PARD3: variants seen among roughly 807,000 people sequenced by gnomAD.
PARD3 encodes partitioning defective 3 homolog.
In PARD3, 75 loss-of-function variants were observed where a neutral mutation model predicts 155.4. That is an observed-to-expected ratio of 0.48 (90% CI 0.40 to 0.58). PARD3 has a LOEUF of 0.58. Ranked by LOEUF, PARD3 falls within the 20% of genes least tolerant of loss-of-function variation. The pLI, the probability that PARD3 is intolerant of heterozygous loss-of-function variation, is 0.00. For synonymous variants in PARD3, 576 were observed against 610.5 expected, an observed-to-expected ratio of 0.94 and a Z score of 0.83; for missense variants, 1,642 against 1,721.7, an observed-to-expected ratio of 0.95 and a Z score of 0.82.
chr10:34,750,775 G>GCCC (rs1296864728), intron 1 of PARD3, among the ~76,000 whole-genome samples: 1 of 148,664 alleles, frequency 6.7e-6, no homozygotes, highest in Non-Finnish European at 1.5e-5. Flanking sequence ...TGCAACCTCC[G>GCCC]CCCCCCGGGT....
At chr10:34,502,735 A>G (rs1034858245) in intron 3 of PARD3, among the ~76,000 whole-genome samples, 11 of 152,190 alleles carry the variant, frequency 7.2e-5, no homozygotes, top group African/African-American at 2.7e-4. Flanking sequence ...AGTATGGGCA[A>G]CATAGCAGGA....
At chr10:34,322,207 G>T (rs1170120816) in intron 19 of PARD3, among the ~76,000 whole-genome samples, 1 of 152,208 alleles carries the variant, frequency 6.6e-6, no homozygotes, top group East Asian at 1.9e-4. Flanking sequence ...TTAGGGAGAG[G>T]GCTCATTCCC....
chr10:34,466,003 C>T (rs2077985688), intron 4 of PARD3, among the ~76,000 whole-genome samples: 1 of 152,122 alleles, frequency 6.6e-6, no homozygotes, highest in Non-Finnish European at 1.5e-5. Flanking sequence ...TACTCTTCCT[C>T]AGGATAAAAT....
intron 2 of PARD3, among the ~76,000 whole-genome samples, chr10:34,633,638 G>A (rs1423722912): frequency 2.0e-5 from 3 of 152,200 alleles, no homozygotes; most frequent in South Asian, 2.1e-4. Flanking sequence ...CAACAAACAC[G>A]GGTGTGGAGA....
intron 2 of PARD3, among the ~76,000 whole-genome samples, chr10:34,649,569 T>C (rs1173379388): frequency 6.6e-6 from 1 of 152,250 alleles, no homozygotes; most frequent in African/African-American, 2.4e-5. Context: ...GCACTCACCA[T>C]GAATGGAGCT....
chr10:34,169,719 A>C (rs1054710248), intron 22 of PARD3, among the ~76,000 whole-genome samples: 1 of 152,192 alleles, frequency 6.6e-6, no homozygotes, highest in Admixed American at 6.5e-5. Context: ...CAACAACCTA[A>C]AGAATGGAGT....
At chr10:34,667,186 T>A (rs1353499057) in intron 2 of PARD3, among the ~76,000 whole-genome samples, 2 of 152,088 alleles carry the variant, frequency 1.3e-5, no homozygotes, top group African/African-American at 4.8e-5. Context: ...TATTGATACA[T>A]AAGTTGAGAA....
At chr10:34,801,282 G>A (rs1437186934) in intron 1 of PARD3, among the ~76,000 whole-genome samples, 2 of 152,210 alleles carry the variant, frequency 1.3e-5, no homozygotes, top group African/African-American at 4.8e-5. Context: ...GAAGGGATCA[G>A]AGTCAAAATA....
At chr10:34,194,586 T>C (rs1425077042) in intron 22 of PARD3, among the ~76,000 whole-genome samples, 1 of 150,826 alleles carries the variant, frequency 6.6e-6, no homozygotes, top group Non-Finnish European at 1.5e-5. Context: ...AAGACATCAC[T>C]ATGAATACCC....
chr10:34,295,469 CA>C (rs1956864070), intron 20 of PARD3, among the ~76,000 whole-genome samples: 1 of 152,182 alleles, frequency 6.6e-6, no homozygotes, highest in African/African-American at 2.4e-5. Flanking sequence ...TGTGTGGTCT[CA>C]GTCCCTAGAC....
chr10:34,805,352 G>A (rs568669170), intron 1 of PARD3, among the ~76,000 whole-genome samples: 3 of 152,074 alleles, frequency 2.0e-5, no homozygotes, highest in Non-Finnish European at 2.9e-5. Flanking sequence ...GTGAGACTCC[G>A]TCTCAAATAC....
At chr10:34,194,998 G>T (rs2133290816) in intron 22 of PARD3, among the ~76,000 whole-genome samples, 1 of 152,256 alleles carries the variant, frequency 6.6e-6, no homozygotes, top group South Asian at 2.1e-4. Flanking sequence ...TCCTGATTTT[G>T]TACCTTCCTA....
rs913389517 is a variant in PARD3, at chr10:34,759,602, C to A, written c.120+55274G>T. On this transcript the variant is annotated intron_variant, in intron 1 of 24. Transcript: ENST00000374788. ...TAAAAGAGAGCAAAGAAAAAGTATT[C>A]ATATAAAACAGGAAGTGAGAGGGAC... is the stretch of plus-strand genomic sequence containing the variant. 2.6e-5 allele frequency among the ~76,000 whole-genome samples: 4 copies of A among 152,276 alleles called. No individual in the cohort carries two copies. In the East Asian group the frequency reaches 7.7e-4, roughly 29 times the overall value.
intron 2 of PARD3, among the ~76,000 whole-genome samples, chr10:34,651,812 C>A (rs1333953835): frequency 6.6e-6 from 1 of 152,156 alleles, no homozygotes; most frequent in African/African-American, 2.4e-5. Context: ...TGGATTTCGA[C>A]ACAATTATTT....
At position 34,809,825 on chromosome 10, in the gene PARD3, T is replaced by A. The variant is rs149539579; in HGVS notation, c.120+5051A>T. The stretch of plus-strand genomic sequence containing the variant: ...GGGAAGGCAGAAAATGTTAAAAAAA[T>A]AAATAAATAAATAAAGCTGCTTTCA... On this transcript the variant is annotated intron_variant, in intron 1 of 24. Coordinates refer to ENST00000374788, the MANE Select transcript of PARD3 (RefSeq NM_001184785.2). 8.8e-4 allele frequency among the ~76,000 whole-genome samples: 132 copies of A among 149,540 alleles called. 1 individual carries two copies. The East Asian group carries it at 0.018, about 21-fold the overall frequency.
chr10:34,308,099 G>C (rs955884174), intron 20 of PARD3, among the ~76,000 whole-genome samples: 1 of 150,570 alleles, frequency 6.6e-6, no homozygotes, highest in Non-Finnish European at 1.5e-5. Flanking sequence ...GGCTCTAGTG[G>C]ACCCGGTAGG....
intron 4 of PARD3, among the ~76,000 whole-genome samples, chr10:34,464,133 AGACC>A (rs2077860208): frequency 6.7e-6 from 1 of 148,226 alleles, no homozygotes; most frequent in African/African-American, 2.5e-5. Flanking sequence ...AAAAAAAAAA[AGACC>A]GAGCCCTGAA....
At chr10:34,168,009 T>G (rs1044936544) in intron 22 of PARD3, among the ~76,000 whole-genome samples, 3 of 152,050 alleles carry the variant, frequency 2.0e-5, no homozygotes, top group African/African-American at 7.2e-5. Context: ...AACATGAGTT[T>G]TTTTTTGAGC....
intron 2 of PARD3, among the ~76,000 whole-genome samples, chr10:34,666,975 C>T (rs951534487): frequency 2.6e-5 from 4 of 151,790 alleles, no homozygotes; most frequent in African/African-American, 4.8e-5. Flanking sequence ...TTGGTATCAG[C>T]CTGGCCAACG....
Sources: allele counts gnomAD v4.1 joint callset (sites outside exome capture counted in the v4.1 genomes callset), GRCh38; gene constraint gnomAD v4.1.1; transcripts MANE v1.5; gene names NCBI Gene and HGNC (gene_info 2026-07-23, HGNC 2026-07-21).